ZNRF3: variants seen among roughly 807,000 people sequenced by gnomAD.
ZNRF3 encodes zinc and ring finger 3.
ZNRF3 carries 23 observed loss-of-function variants against 72.5 expected under a neutral mutation model. The observed-to-expected ratio is 0.32, with a 90% confidence interval of 0.23 to 0.45. The LOEUF is 0.45. ZNRF3 is among the 20% of genes least tolerant of loss of function. The pLI is 1.00. For missense variants in ZNRF3, 1,169 were observed against 1,272.1 expected, an observed-to-expected ratio of 0.92 and a Z score of 1.23; for synonymous variants, 610 against 545.3, an observed-to-expected ratio of 1.12 and a Z score of -1.65.
intron 2 of ZNRF3, among the ~76,000 whole-genome samples, chr22:28,994,327 CAGG>C (rs1489381950): frequency 6.6e-6 from 1 of 151,552 alleles, no homozygotes; most frequent in Non-Finnish European, 1.5e-5. Context: ...GCTGGGATTA[CAGG>C]CATGCACCAC....
In ZNRF3 at chr22:29,056,527, A is replaced by G. The variant is rs2037302616; in HGVS notation, c.*2905A>G. The G allele has an allele frequency of 6.6e-6, 1 of 152,190 alleles. No homozygotes were observed. The highest frequency in any genetic ancestry group is 1.5e-5 in the Non-Finnish European group (1 of 68,036). 9.4% of individuals were successfully genotyped at this position (152,190 alleles called of 1,614,324 possible). ...AAAGAAATGTCCTCTTTGAAGTTGT[A>G]AGACTCCACCAATGACAGACACCCT... On this transcript the variant is annotated 3_prime_UTR_variant, in exon 9 of 9. Transcript: ENST00000544604.
At chr22:28,892,521 C>T (rs906501132) in intron 1 of ZNRF3, among the ~76,000 whole-genome samples, 2 of 152,102 alleles carry the variant, frequency 1.3e-5, no homozygotes, top group Admixed American at 6.6e-5. Context: ...ACCTTTCTAA[C>T]GGAATAGGAA....
intron 1 of ZNRF3, among the ~76,000 whole-genome samples, chr22:28,957,285 C>A (rs2035278477): frequency 1.3e-5 from 2 of 152,178 alleles, no homozygotes; most frequent in Non-Finnish European, 2.9e-5. Flanking sequence ...TCTAGAACCA[C>A]TCCACAGTTG....
At chr22:29,010,400 C>T (rs919674150) in intron 2 of ZNRF3, among the ~76,000 whole-genome samples, 2 of 152,000 alleles carry the variant, frequency 1.3e-5, no homozygotes, top group South Asian at 2.1e-4. Flanking sequence ...CTTCAAGGTT[C>T]GCTCTTGTTG....
chr22:28,935,295 CT>C (rs1307188373), intron 1 of ZNRF3, among the ~76,000 whole-genome samples: 4 of 152,192 alleles, frequency 2.6e-5, no homozygotes, highest in South Asian at 4.1e-4. Flanking sequence ...CCCTTTGCCC[CT>C]AGAGGTCCCA....
Position 28,883,858 on chromosome 22 carries a change from T to TGCC in ZNRF3, c.107_109dup (p.Pro36dup), listed in dbSNP as rs958418836. ...CCCCGCGGCCTCCGGTGCAGCCGCC[T>TGCC]GCCGCCGCCGCCGCCGCTGCCGCTG... On this transcript the variant is annotated inframe_insertion, in exon 1 of 9. Coordinates refer to ENST00000544604, the MANE Select transcript of ZNRF3 (RefSeq NM_001206998.2). The surrounding 1 kb of genome is among the most constrained non-coding windows in gnomAD (Gnocchi z 5.5). The TGCC allele has an allele frequency of 5.6e-5, 56 of 993,172 alleles. No homozygotes were observed. The Admixed American group carries it at 5.7e-4, about 10-fold the overall frequency. The allele number at this position is 993,172 out of a possible 1,614,324, so 61.5% of individuals were successfully genotyped here. A position where few individuals can be genotyped will look rare whatever the true frequency, so the allele number is the denominator to read the frequency against.
At chr22:29,043,076 G>A (rs575866528) in intron 3 of ZNRF3, among the ~76,000 whole-genome samples, 1 of 152,184 alleles carries the variant, frequency 6.6e-6, no homozygotes, top group Admixed American at 6.5e-5. Context: ...CCGGGTTCAG[G>A]GGGCATTTTC....
At chr22:28,919,806 C>T (rs970173460) in intron 1 of ZNRF3, among the ~76,000 whole-genome samples, 3 of 151,760 alleles carry the variant, frequency 2.0e-5, no homozygotes, top group Non-Finnish European at 4.4e-5. Flanking sequence ...CACACCTGGC[C>T]CCCTTTACTC....
intron 2 of ZNRF3, among the ~76,000 whole-genome samples, chr22:29,036,415 CATT>C (rs1454979773): frequency 6.6e-6 from 1 of 152,192 alleles, no homozygotes; most frequent in East Asian, 1.9e-4. Flanking sequence ...ATGATCAACT[CATT>C]ATATTTGACT....
chr22:29,057,287 CTT>C lies in ZNRF3; in HGVS notation c.*3666_*3667del, dbSNP rs1340254769. ...CTAATATATTTATCTTAAGCCATGTCTTATGTTGAGAGTGTGACATTGTTGGA... is the reference window on the plus strand; with the variant it reads ...CTAATATATTTATCTTAAGCCATGTCATGTTGAGAGTGTGACATTGTTGGA... On this transcript the variant is annotated 3_prime_UTR_variant, in exon 9 of 9. Transcript: ENST00000544604. The C allele has an allele frequency of 6.6e-6, 1 of 152,112 alleles. No homozygotes were observed. Among genetic ancestry groups the C allele is most frequent in the Admixed American group, 6.5e-5 (1 of 15,274 alleles). The allele number at this position is 152,112 out of a possible 1,614,324, so 9.4% of individuals were successfully genotyped here. A position where few individuals can be genotyped will look rare whatever the true frequency, so the allele number is the denominator to read the frequency against.
At chr22:28,948,127 G>A (rs1325184536) in intron 1 of ZNRF3, among the ~76,000 whole-genome samples, 1 of 151,980 alleles carries the variant, frequency 6.6e-6, no homozygotes, top group African/African-American at 2.4e-5. Context: ...ACAGGTGTGA[G>A]CCACTGCGCC....
chr22:28,918,732 AT>A (rs1021287073), intron 1 of ZNRF3, among the ~76,000 whole-genome samples: 4 of 152,124 alleles, frequency 2.6e-5, no homozygotes, highest in Non-Finnish European at 4.4e-5. Flanking sequence ...CGAAGCTACA[AT>A]GTTTCCACTT....
chr22:29,028,651 G>A (rs2036688423), intron 2 of ZNRF3, among the ~76,000 whole-genome samples: 1 of 152,188 alleles, frequency 6.6e-6, no homozygotes, highest in African/African-American at 2.4e-5. Context: ...CCACTTTGTG[G>A]CTGAGTATCC....
intron 1 of ZNRF3, among the ~76,000 whole-genome samples, chr22:28,954,916 A>G (rs2035228133): frequency 6.6e-6 from 1 of 152,068 alleles, no homozygotes. Context: ...TATGCTGGGC[A>G]CTGTGGGATA....
intron 1 of ZNRF3, among the ~76,000 whole-genome samples, chr22:28,884,586 G>A (rs908368310): frequency 2.0e-5 from 3 of 152,192 alleles, no homozygotes; most frequent in Non-Finnish European, 2.9e-5. Context: ...CCTTCTGCGG[G>A]GCTCTGGACA....
At chr22:28,898,166 T>C (rs956158942) in intron 1 of ZNRF3, among the ~76,000 whole-genome samples, 3 of 152,090 alleles carry the variant, frequency 2.0e-5, no homozygotes, top group Non-Finnish European at 4.4e-5. Context: ...CAGGCTGCTC[T>C]TGGACTCCTA....
chr22:28,894,270 A>G (rs1009602216), intron 1 of ZNRF3, among the ~76,000 whole-genome samples: 1 of 152,164 alleles, frequency 6.6e-6, no homozygotes, highest in Non-Finnish European at 1.5e-5. Context: ...ATGTTTCTCA[A>G]AAATACAAAA....
chr22:29,049,501 C>T lies in ZNRF3; in HGVS notation c.1320C>T (p.Tyr440=). The change falls in exon 8 of 9, where the codon TAC becomes TAT. Residue 440 remains tyrosine (Y), a synonymous_variant. Coordinates refer to ENST00000544604, the MANE Select transcript of ZNRF3 (RefSeq NM_001206998.2). The surrounding 1 kb of genome is among the most constrained non-coding windows in gnomAD (Gnocchi z 5.2). ...AHRCGLEHRA[Y]SPAHPFRRPK... ...GCTGCGGCCTGGAGCACCGGGCCTA[C>T]TCCCCAGCCCACCCCTTCCGCAGGC... The T allele has an allele frequency of 1.2e-6, 2 of 1,605,010 alleles. No individual in the cohort carries two copies. The highest frequency in any genetic ancestry group is 1.7e-6 in the Non-Finnish European group (2 of 1,179,568).
intron 1 of ZNRF3, among the ~76,000 whole-genome samples, chr22:28,944,398 G>A (rs1208883591): frequency 2.0e-5 from 3 of 151,988 alleles, no homozygotes; most frequent in South Asian, 4.1e-4. Flanking sequence ...TGAGGCGGGC[G>A]GATCACGAGG....
Sources: allele counts gnomAD v4.1 joint callset (sites outside exome capture counted in the v4.1 genomes callset), GRCh38; gene constraint gnomAD v4.1.1; non-coding constraint Gnocchi (gnomAD v3.1); transcripts MANE v1.5; gene names NCBI Gene and HGNC (gene_info 2026-07-23, HGNC 2026-07-21).